CCDC3: variants seen among roughly 807,000 people sequenced by gnomAD.
The protein encoded by CCDC3 is coiled-coil domain-containing protein 3.
Under a neutral mutation model 21.4 loss-of-function variants are expected in CCDC3, and 24 were observed. That is an observed-to-expected ratio of 1.12 (90% CI 0.81 to 1.58). CCDC3 has a LOEUF of 1.58. Among genes scored for constraint, CCDC3 ranks in the 40% most tolerant of loss-of-function variants. The pLI is 0.00. For missense variants in CCDC3, 425 were observed against 360.9 expected (o/e 1.18, Z -1.44); for synonymous variants, 186 against 166.0 (o/e 1.12, Z -0.93).
intron 4 of CCDC3, among the ~76,000 whole-genome samples, chr10:13,061,439 G>C (rs1306257551): frequency 6.6e-6 from 1 of 152,178 alleles, no homozygotes; most frequent in Non-Finnish European, 1.5e-5. Context: ...GTCTTGTGTG[G>C]ACGAAAACAG....
chr10:12,923,698 T>G (rs1057093385), intron 2 of CCDC3, among the ~76,000 whole-genome samples: 2 of 152,106 alleles, frequency 1.3e-5, no homozygotes, highest in African/African-American at 4.8e-5. Flanking sequence ...CCAGAATGAG[T>G]TCCGTGAAGG....
chr10:13,001,615 G>A lies in CCDC3; in HGVS notation c.-45C>T, dbSNP rs1429322338. The A allele has an allele frequency of 1.1e-5, 12 of 1,095,836 alleles. No homozygotes were observed. Among genetic ancestry groups the A allele is most frequent in the African/African-American group, 6.7e-5 (4 of 60,028 alleles). The allele number at this position is 1,095,836 out of a possible 1,614,324, so 67.9% of individuals were successfully genotyped here. The stretch of plus-strand genomic sequence containing the variant: ...CACGGGGCGGCGGCGGGGAGCCCGG[G>A]GAGCCCGCCGGCCCGGGAAGGGCAG... On this transcript the variant is annotated 5_prime_UTR_variant, in exon 1 of 3. Coordinates refer to ENST00000378825, the MANE Select transcript of CCDC3 (RefSeq NM_031455.4).
intron 5 of CCDC3, among the ~76,000 whole-genome samples, chr10:13,011,186 A>AAC (rs1491566500): frequency 1.3e-4 from 1 of 7,704 alleles, no homozygotes; most frequent in East Asian, 6.7e-3. Flanking sequence ...GTCTCAGAAG[A>AAC]AAAAAAAAAA....
At chr10:13,005,932 C>A (rs76024584), upstream of CCDC3, among the ~76,000 whole-genome samples, 4 of 152,302 alleles carry the variant, frequency 2.6e-5, no homozygotes, top group African/African-American at 7.2e-5. Flanking sequence ...TTTAGATCAT[C>A]CAAGGACCAG....
chr10:12,985,074 T>G (rs932556059), intron 2 of CCDC3, among the ~76,000 whole-genome samples: 4 of 152,216 alleles, frequency 2.6e-5, no homozygotes, highest in Non-Finnish European at 5.9e-5. Flanking sequence ...TAGATTTTTT[T>G]TACTCTACCC....
chr10:13,027,650 G>A (rs770938738), intron 5 of CCDC3, among the ~76,000 whole-genome samples: 20 of 151,398 alleles, frequency 1.3e-4, no homozygotes, highest in Non-Finnish European at 2.2e-4. Context: ...GTTTGAGGCT[G>A]CAGTGAGATG....
At chr10:13,020,671 A>G (rs1320366180) in intron 5 of CCDC3, among the ~76,000 whole-genome samples, 2 of 152,162 alleles carry the variant, frequency 1.3e-5, no homozygotes, top group Non-Finnish European at 2.9e-5. Context: ...CATCCTTTTG[A>G]TTATTGGATA....
intron 5 of CCDC3, among the ~76,000 whole-genome samples, chr10:13,017,396 A>T (rs191242489): frequency 6.6e-6 from 1 of 151,698 alleles, no homozygotes; most frequent in Non-Finnish European, 1.5e-5. Flanking sequence ...GGGTGCCTGT[A>T]GTCTCAGCTA....
At chr10:12,917,009 C>T (rs1159673369) in intron 2 of CCDC3, among the ~76,000 whole-genome samples, 44 of 152,064 alleles carry the variant, frequency 2.9e-4, no homozygotes, top group Admixed American at 2.9e-3. Flanking sequence ...GAGTCTGGGG[C>T]TGTGAGGCCC....
chr10:12,912,576 T>C (rs748155646), intron 2 of CCDC3, among the ~76,000 whole-genome samples: 21 of 152,202 alleles, frequency 1.4e-4, no homozygotes, highest in Non-Finnish European at 2.5e-4. Context: ...TTTTTCACTC[T>C]GTTGATCATT....
chr10:12,989,347 G>A (rs1265079109), intron 2 of CCDC3, among the ~76,000 whole-genome samples: 1 of 152,216 alleles, frequency 6.6e-6, no homozygotes. Context: ...TTAGTCCAGA[G>A]CAGCAGTTCC....
At chr10:12,977,667 T>G (rs752088426) in intron 2 of CCDC3, among the ~76,000 whole-genome samples, 6 of 152,190 alleles carry the variant, frequency 3.9e-5, no homozygotes, top group Non-Finnish European at 7.3e-5. Flanking sequence ...AAATCCAGGC[T>G]CACAGGACCT....
At chr10:13,044,654 C>G (rs1183643459) in intron 5 of CCDC3, among the ~76,000 whole-genome samples, 1 of 152,064 alleles carries the variant, frequency 6.6e-6, no homozygotes, top group Non-Finnish European at 1.5e-5. Context: ...CAGATGGCTG[C>G]AGGTGTGTGG....
At chr10:12,940,089 T>C (rs950049865) in intron 2 of CCDC3, among the ~76,000 whole-genome samples, 7 of 152,228 alleles carry the variant, frequency 4.6e-5, no homozygotes, top group Admixed American at 1.3e-4. Flanking sequence ...CTGTTTTTTT[T>C]CTGAGAAAGT....
intron 5 of CCDC3, among the ~76,000 whole-genome samples, chr10:13,016,911 A>G (rs1038194686): frequency 7.2e-5 from 11 of 152,048 alleles, no homozygotes; most frequent in African/African-American, 2.7e-4. Context: ...ATTTAGCCCG[A>G]ATGACCCAGT....
chr10:12,940,786 C>T (rs1259410728), intron 2 of CCDC3, among the ~76,000 whole-genome samples: 2 of 152,142 alleles, frequency 1.3e-5, no homozygotes, highest in Non-Finnish European at 2.9e-5. Context: ...CCTCCATGTT[C>T]CAAGTTCTGC....
At chr10:12,947,943 A>C (rs1193317496) in intron 2 of CCDC3, among the ~76,000 whole-genome samples, 1 of 152,168 alleles carries the variant, frequency 6.6e-6, no homozygotes, top group East Asian at 1.9e-4. Flanking sequence ...AAGATGTCTC[A>C]CCTATTAAGT....
At chr10:13,011,435 G>A (rs1835982955) in intron 5 of CCDC3, among the ~76,000 whole-genome samples, 1 of 152,008 alleles carries the variant, frequency 6.6e-6, no homozygotes, top group Non-Finnish European at 1.5e-5. Flanking sequence ...ATCCCATTCA[G>A]AATTGCTACA....
intron 2 of CCDC3, among the ~76,000 whole-genome samples, chr10:12,946,399 T>C (rs537078096): frequency 1.3e-5 from 2 of 152,352 alleles, no homozygotes; most frequent in African/African-American, 4.8e-5. Context: ...TTTATTAGTA[T>C]GTAAACAAAC....
Sources: allele counts gnomAD v4.1 joint callset (sites outside exome capture counted in the v4.1 genomes callset), GRCh38; gene constraint gnomAD v4.1.1; transcripts MANE v1.5; gene names NCBI Gene and HGNC (gene_info 2026-07-23, HGNC 2026-07-21).